The following ZNF280D variants were observed in gnomAD, a reference collection of about 807,000 sequenced individuals.
ZNF280D encodes the protein suppressor of hairy wing homolog 4.
In ZNF280D, 39 loss-of-function variants were observed where a neutral mutation model predicts 94.7. The observed-to-expected ratio is 0.41, with a 90% CI of 0.32 to 0.54. The LOEUF is 0.54. ZNF280D is among the 20% of genes least tolerant of loss of function. The probability of loss-of-function intolerance (pLI) is 0.22; values close to 1 mark genes in which losing one functional copy is unlikely to be tolerated. For missense variants in ZNF280D, 1,090 were observed against 1,149.3 expected (o/e 0.95, Z 0.75); for synonymous variants, 398 against 377.6 (o/e 1.05, Z -0.63).
chr15:56,643,187 A>G (rs940090162), intron 19 of ZNF280D, 190 bp from the exon 20 acceptor site: 32 of 366,074 alleles, frequency 8.7e-5, no homozygotes, highest in African/African-American at 4.2e-4. Context: ...ACTAAATAGT[A>G]GATTCGATAA....
chr15:56,653,603 A>G, intron 19 of ZNF280D: 1 of 1,478,496 alleles, frequency 6.8e-7, no homozygotes, highest in Non-Finnish European at 8.9e-7. Flanking sequence ...TCTGCATCTG[A>G]AAAATAAGAA....
chr15:56,697,705 C>T (rs2056835372), intron 6 of ZNF280D: 1 of 152,116 alleles, frequency 6.6e-6, no homozygotes, highest in South Asian at 2.1e-4. Context: ...TTTTTGTTCA[C>T]ATTGGTTATA....
rs1230626321 is a variant in ZNF280D at position 56,666,259 on chromosome 15, A to C, written c.1994+136T>G. On this transcript the variant is annotated intron_variant, in intron 16 of 21. Coordinates refer to ENST00000267807, the MANE Select transcript of ZNF280D (RefSeq NM_017661.4). ...GAGAAATAGGACCAGGCAATATCCT[A>C]AAAGTTCCTTATTGTTAGATCCTTT... 8.7e-6 allele frequency: 7 copies of C among 805,566 alleles called. No homozygotes were observed. In the African/African-American group the frequency reaches 1.1e-4, roughly 13 times the overall value. The allele number at this position is 805,566 out of a possible 1,614,324, so 49.9% of individuals were successfully genotyped here.
intron 1 of ZNF280D, among the ~76,000 whole-genome samples, chr15:56,718,975 AACTC>A (rs1166711856): frequency 6.6e-6 from 1 of 152,104 alleles, no homozygotes; most frequent in Non-Finnish European, 1.5e-5. Context: ...ACTCCTTTTT[AACTC>A]TTTAGAGATT....
Position 56,672,302 on chromosome 15 carries a change from T to C in ZNF280D, c.1411-3345A>G, listed in dbSNP as rs141891625. 2.5e-3 allele frequency among the ~76,000 whole-genome samples: 374 copies of C among 152,296 alleles called. 2 individuals carry two copies. The highest frequency in any genetic ancestry group is 0.017 in the Middle Eastern group (5 of 294). On this transcript the variant is annotated intron_variant, in intron 13 of 21. Transcript: ENST00000267807. Reference sequence around the variant, plus strand: ...TCCAGCTTTTGCCCATTCAGTATGATACTGGCTGTGGGTTTGTCATATATG... The same window carrying C: ...TCCAGCTTTTGCCCATTCAGTATGACACTGGCTGTGGGTTTGTCATATATG...
intron 1 of ZNF280D, among the ~76,000 whole-genome samples, chr15:56,729,121 G>A (rs1372744191): frequency 2.0e-5 from 3 of 152,066 alleles, no homozygotes; most frequent in Non-Finnish European, 2.9e-5. Flanking sequence ...ATGAAAATCT[G>A]AGCAACAGGT....
In ZNF280D at chr15:56,682,459, T is replaced by C. The variant is rs865967905; in HGVS notation, c.799A>G (p.Ile267Val). ...NHMKYCCPDM[I>V]NNFLGLAKTE... ...TTAGCCAGTCCCAAAAAGTTATTTA[T>C]CATGTCTGGACAACAATACTGAAAG... is the stretch of plus-strand genomic sequence containing the variant. The change falls in exon 10 of 22, where the codon ATA becomes GTA. Residue 267 changes from isoleucine (I) to valine (V), a missense_variant. Physicochemically the swap from Ile to Val is conservative, Grantham distance 29. This residue lies in a region of ZNF280D where 386 missense variants were observed against 372.0 expected (regional missense o/e 1.04). Coordinates refer to ENST00000267807, the MANE Select transcript of ZNF280D (RefSeq NM_017661.4). 2 of 1,405,500 alleles carry C rather than the reference T, an allele frequency of 1.4e-6. No homozygotes were observed. The highest frequency in any genetic ancestry group is 1.8e-4 in the Middle Eastern group (1 of 5,486). 87.1% of individuals were successfully genotyped at this position (1,405,500 alleles called of 1,614,324 possible). A position where few individuals can be genotyped will look rare whatever the true frequency, so the allele number is the denominator to read the frequency against.
At chr15:56,719,349 CAAAAAA>C (rs1567036748) in intron 1 of ZNF280D, among the ~76,000 whole-genome samples, 2 of 100,416 alleles carry the variant, frequency 2.0e-5, no homozygotes, top group African/African-American at 5.9e-5. Flanking sequence ...AAACAAAAAA[CAAAAAA>C]CCAAAAAAAA....
intron 19 of ZNF280D, among the ~76,000 whole-genome samples, chr15:56,645,961 T>C (rs2052866182): frequency 6.6e-6 from 1 of 152,210 alleles, no homozygotes; most frequent in Non-Finnish European, 1.5e-5. Flanking sequence ...GGGAAAAATA[T>C]TCAGATTCAT....
chr15:56,667,052 G>A, intron 14 of ZNF280D, 66 bp from the exon 15 acceptor site: 1 of 1,203,882 alleles, frequency 8.3e-7, no homozygotes, highest in Non-Finnish European at 1.1e-6. Flanking sequence ...AAATATCATG[G>A]TACAAAAATA....
intron 13 of ZNF280D, among the ~76,000 whole-genome samples, chr15:56,669,625 T>C (rs2054537318): frequency 6.7e-6 from 1 of 149,712 alleles, no homozygotes. Context: ...TAGTAGCTAC[T>C]ACATCAGACA....
intron 16 of ZNF280D, among the ~76,000 whole-genome samples, chr15:56,665,657 G>C (rs565601294): frequency 1.5e-5 from 2 of 129,952 alleles, no homozygotes; most frequent in East Asian, 5.0e-4. Flanking sequence ...CTGCTTTAAA[G>C]AGGATGACGC....
chr15:56,631,388 T>G lies in ZNF280D; in HGVS notation c.*110A>C. 4.4e-6 allele frequency: 5 copies of G among 1,134,256 alleles called. No homozygotes were observed. The highest frequency in any genetic ancestry group is 6.3e-6 in the Non-Finnish European group (5 of 788,946). The allele number at this position is 1,134,256 out of a possible 1,614,324, so 70.3% of individuals were successfully genotyped here. ...ATACAGGTAAAGTGTATGTGTGACC[T>G]CCCTTACATATTTCCATTTCTGAAC... On this transcript the variant is annotated 3_prime_UTR_variant, in exon 22 of 22. Coordinates refer to ENST00000267807, the MANE Select transcript of ZNF280D (RefSeq NM_017661.4).
Position 56,693,143 on chromosome 15 carries a change from T to C in ZNF280D, c.454A>G (p.Thr152Ala), listed in dbSNP as rs745859067. The stretch of plus-strand genomic sequence containing the variant: ...CCCCCTTGGTAATGTGATAATCCTG[T>C]ATCCTGGGTCAAGTCAAACAGTAAC... ...SELLFDLTQD[T>A]GLSHYQGGPT... The change falls in exon 7 of 22, where the codon ACA (threonine) becomes GCA (alanine). Residue 152 changes from threonine to alanine, a missense_variant. Transcript: ENST00000267807. 5.6e-6 allele frequency: 9 copies of C among 1,606,866 alleles called. No homozygotes were observed. The African/African-American group carries it at 1.2e-4, about 22-fold the overall frequency.
At chr15:56,732,072 C>T (rs1440934871) in intron 1 of ZNF280D, among the ~76,000 whole-genome samples, 2 of 152,170 alleles carry the variant, frequency 1.3e-5, no homozygotes, top group African/African-American at 2.4e-5. Context: ...AAGTGAGCCT[C>T]CTTGCCTATT....
At chr15:56,634,455 T>C (rs1166042956) in intron 21 of ZNF280D, among the ~76,000 whole-genome samples, 10 of 152,120 alleles carry the variant, frequency 6.6e-5, no homozygotes, top group Non-Finnish European at 1.3e-4. Flanking sequence ...TTACAAAAAA[T>C]TCAAGGTGAA....
intron 1 of ZNF280D, among the ~76,000 whole-genome samples, chr15:56,727,623 T>C (rs1255791417): frequency 3.9e-5 from 6 of 152,246 alleles, no homozygotes; most frequent in African/African-American, 1.4e-4. Context: ...CATCTGTTTC[T>C]AGTTTTCACT....
chr15:56,670,009 A>ATAAT (rs56365440), intron 13 of ZNF280D, among the ~76,000 whole-genome samples: 83 of 2,978 alleles, frequency 0.028, 25 homozygotes, highest in South Asian at 0.037. Flanking sequence ...ATATATATAT[A>ATAAT]ATATATATAT....
chr15:56,653,426 A>T (rs2053327688), intron 19 of ZNF280D: 1 of 1,413,488 alleles, frequency 7.1e-7, no homozygotes. Flanking sequence ...CCATGTAGAA[A>T]GGGAGTCTCC....
Sources: gnomAD v4.1 joint callset for allele counts (sites outside exome capture counted in the v4.1 genomes callset) on GRCh38, gnomAD v4.1.1 for gene constraint, gnomAD v4.1.1 regional missense constraint, MANE v1.5 for transcripts, NCBI Gene and HGNC (gene_info 2026-07-23, HGNC 2026-07-21) for gene names.